The following BABAM2 variants were observed in gnomAD, a reference collection of about 807,000 sequenced individuals.
BABAM2 encodes the protein BRISC and BRCA1-A complex member 2.
BABAM2 carries 31 observed loss-of-function variants against 54.7 expected under a neutral mutation model. That is an observed-to-expected ratio of 0.57 (90% CI 0.43 to 0.77). The LOEUF is 0.77. Among genes scored for constraint, BABAM2 ranks in the 30% least tolerant of loss-of-function variants. BABAM2 has a pLI of 0.00. For synonymous variants in BABAM2, 167 were observed against 162.9 expected (o/e 1.03, Z -0.19); for missense variants, 364 against 455.8 (o/e 0.80, Z 1.83).
intron 5 of BABAM2, among the ~76,000 whole-genome samples, chr2:28,043,078 G>A (rs771248127): frequency 1.3e-5 from 2 of 151,396 alleles, no homozygotes. Flanking sequence ...GAGTAAAGAA[G>A]GGAAAAATTA....
At chr2:28,139,436 G>A (rs1361127887) in intron 7 of BABAM2, among the ~76,000 whole-genome samples, 1 of 151,748 alleles carries the variant, frequency 6.6e-6, no homozygotes, top group African/African-American at 2.4e-5. Context: ...GGGTTTGGTG[G>A]CATGCGCTTC....
Position 28,026,854 on chromosome 2 carries a change from A to ATATATATAGATATATATATT in BABAM2, c.495+1443_495+1462dup, listed in dbSNP as rs1558667154. 2.5e-4 allele frequency among the ~76,000 whole-genome samples: 20 copies of ATATATATAGATATATATATT among 79,270 alleles called. 1 individual carries two copies. Among genetic ancestry groups the ATATATATAGATATATATATT allele is most frequent in the African/African-American group, 1.1e-3 (17 of 15,428 alleles). 52.0% of individuals were successfully genotyped at this position (79,270 alleles called of 152,430 possible). A position where few individuals can be genotyped will look rare whatever the true frequency, so the allele number is the denominator to read the frequency against. On this transcript the variant is annotated intron_variant, in intron 5 of 11. Coordinates refer to ENST00000379624, the MANE Select transcript of BABAM2 (RefSeq NM_199191.3). Reference sequence around the variant, plus strand: ...TATAAATATATATAAATATATATTTATATATATAGATATATATATTTATAT... The same window carrying ATATATATAGATATATATATT: ...TATAAATATATATAAATATATATTTATATATATAGATATATATATTTATATATAGATATATATATTTATAT...
chr2:28,248,536 G>T (rs535266371), intron 10 of BABAM2, among the ~76,000 whole-genome samples: 71 of 152,092 alleles, frequency 4.7e-4, no homozygotes, highest in Admixed American at 8.5e-4. Flanking sequence ...AATGCAGCGT[G>T]GCAAGAGAAC....
chr2:28,015,909 G>T, intron 4 of BABAM2: 1 of 581,736 alleles, frequency 1.7e-6, no homozygotes, highest in South Asian at 1.6e-5. Context: ...ATTCTGACAA[G>T]GACTCAGATG....
intron 11 of BABAM2, among the ~76,000 whole-genome samples, chr2:28,317,038 C>G (rs892823240): frequency 1.3e-5 from 2 of 152,046 alleles, no homozygotes; most frequent in African/African-American, 4.8e-5. Context: ...TGATGAGTAT[C>G]CCCCAGACCC....
At chr2:28,029,774 A>G (rs1174455422) in intron 5 of BABAM2, among the ~76,000 whole-genome samples, 4 of 152,220 alleles carry the variant, frequency 2.6e-5, no homozygotes, top group South Asian at 4.1e-4. Context: ...AGGAATTTCC[A>G]TACTGTTTCC....
chr2:28,247,120 A>T (rs1250523398), intron 10 of BABAM2, among the ~76,000 whole-genome samples: 1 of 152,252 alleles, frequency 6.6e-6, no homozygotes, highest in South Asian at 2.1e-4. Flanking sequence ...GCTACCCGGG[A>T]CCTTGGGAGT....
chr2:28,309,971 G>C, intron 11 of BABAM2: 2 of 1,202,150 alleles, frequency 1.7e-6, no homozygotes, highest in South Asian at 2.6e-5. Context: ...ATGGGGTTTA[G>C]AAGTAGAGCT....
chr2:28,273,805 T>C (rs1685642527), intron 10 of BABAM2, among the ~76,000 whole-genome samples: 1 of 152,130 alleles, frequency 6.6e-6, no homozygotes, highest in African/African-American at 2.4e-5. Flanking sequence ...GGAGCACCCA[T>C]CTTAGTCAGG....
intron 6 of BABAM2, among the ~76,000 whole-genome samples, chr2:28,103,763 A>G (rs1667278428): frequency 6.6e-6 from 1 of 152,192 alleles, no homozygotes; most frequent in South Asian, 2.1e-4. Context: ...GCTCTTTATG[A>G]GAGCTTCTTA....
chr2:27,898,876 G>A (rs1169556288), intron 2 of BABAM2, among the ~76,000 whole-genome samples: 1 of 151,944 alleles, frequency 6.6e-6, no homozygotes, highest in African/African-American at 2.4e-5. Context: ...GCATAGCTTT[G>A]GGAATAGATG....
chr2:28,148,188 G>T (rs571966045), intron 7 of BABAM2, among the ~76,000 whole-genome samples: 1 of 152,240 alleles, frequency 6.6e-6, no homozygotes, highest in Admixed American at 6.5e-5. Context: ...AAACAGTATC[G>T]CATTGCTCAG....
intron 6 of BABAM2, among the ~76,000 whole-genome samples, chr2:28,103,186 G>GT (rs1667229291): frequency 6.6e-6 from 1 of 151,810 alleles, no homozygotes; most frequent in Non-Finnish European, 1.5e-5. Context: ...CAAAGTTCTA[G>GT]TAAGGCCTTA....
rs144143272 is a variant in BABAM2, at chr2:27,970,860, T to G, written c.206-17133T>G. On this transcript the variant is annotated intron_variant, in intron 3 of 11. Transcript: ENST00000379624. ...TTTGGTTATTCATGACATTAATGAT[T>G]AATGATTTTGAAGAGTCTGGGGCTG... Among the ~76,000 whole-genome samples the G allele has an allele frequency of 1.2e-3, 180 of 152,296 alleles. 1 individual carries two copies. The highest frequency in any genetic ancestry group is 4.3e-3 in the African/African-American group (178 of 41,586).
intron 5 of BABAM2, among the ~76,000 whole-genome samples, chr2:28,026,822 T>TTATATA (rs1221328543): frequency 4.3e-4 from 33 of 77,180 alleles, no homozygotes; most frequent in South Asian, 9.7e-4. Context: ...AAATATATAT[T>TTATATA]TATATATATA....
intron 3 of BABAM2, 60 bp downstream of exon 3, chr2:27,929,968 T>G: frequency 6.7e-7 from 1 of 1,482,118 alleles, no homozygotes; most frequent in South Asian, 1.2e-5. Flanking sequence ...TATTGGACTT[T>G]GTGCTTTAGT....
chr2:28,144,141 G>A (rs1671299796), intron 7 of BABAM2, among the ~76,000 whole-genome samples: 1 of 152,208 alleles, frequency 6.6e-6, no homozygotes, highest in Admixed American at 6.5e-5. Context: ...AGGATTAGAT[G>A]AGAGAATGTG....
At chr2:28,255,048 T>A (rs1270376499) in intron 10 of BABAM2, among the ~76,000 whole-genome samples, 1 of 152,032 alleles carries the variant, frequency 6.6e-6, no homozygotes, top group Non-Finnish European at 1.5e-5. Flanking sequence ...AGATAAGGAT[T>A]TTTTAAAAAG....
intron 2 of BABAM2, among the ~76,000 whole-genome samples, chr2:27,910,774 G>C (rs572828462): frequency 6.6e-6 from 1 of 152,254 alleles, no homozygotes; most frequent in South Asian, 2.1e-4. Context: ...TTTTCTGGCT[G>C]AGCAATGAGA....
Sources: allele counts gnomAD v4.1 joint callset (sites outside exome capture counted in the v4.1 genomes callset), GRCh38; gene constraint gnomAD v4.1.1; transcripts MANE v1.5; gene names NCBI Gene and HGNC (gene_info 2026-07-23, HGNC 2026-07-21).